IL1RAP: variants seen among roughly 807,000 people sequenced by gnomAD.
IL1RAP encodes interleukin 1 receptor accessory protein, also known as interleukin-1 receptor accessory protein.
In IL1RAP, 35 loss-of-function variants were observed where a neutral mutation model predicts 60.7. The observed-to-expected ratio is 0.58, with a 90% CI of 0.44 to 0.76. The LOEUF is 0.76. Ranked by LOEUF, IL1RAP falls within the 30% of genes least tolerant of loss-of-function variation. The probability of loss-of-function intolerance (pLI) is 0.00; values close to 1 mark genes in which losing one functional copy is unlikely to be tolerated. For missense variants in IL1RAP, 572 were observed against 693.9 expected, an observed-to-expected ratio of 0.82 and a Z score of 1.97; for synonymous variants, 268 against 250.9, an observed-to-expected ratio of 1.07 and a Z score of -0.64.
intron 1 of IL1RAP, among the ~76,000 whole-genome samples, chr3:190,522,447 C>CTATG (rs1722164793): frequency 6.6e-6 from 1 of 150,968 alleles, no homozygotes; most frequent in South Asian, 2.1e-4. Flanking sequence ...ATCTATCTAT[C>CTATG]TATCTATCTA....
At chr3:190,657,521 G>A (rs1455216162) in exon 12 of IL1RAP, 2 of 152,178 alleles carry the variant, frequency 1.3e-5, no homozygotes, top group East Asian at 3.9e-4. Context: ...TCTGAGAAGG[G>A]ATAATAAATT....
intron 1 of IL1RAP, among the ~76,000 whole-genome samples, chr3:190,541,518 T>G (rs2108563654): frequency 6.6e-6 from 1 of 152,296 alleles, no homozygotes; most frequent in Non-Finnish European, 1.5e-5. Context: ...TTTTCTGAGT[T>G]TGACATTCAG....
At chr3:190,638,821 A>G (rs1023853629) in intron 9 of IL1RAP, among the ~76,000 whole-genome samples, 2 of 152,108 alleles carry the variant, frequency 1.3e-5, no homozygotes, top group African/African-American at 4.8e-5. Context: ...TTAATTGGAA[A>G]GATTTTTACT....
chr3:190,539,683 A>C lies in IL1RAP; in HGVS notation c.-88-16447A>C, dbSNP rs531916843. ...ACAGTGTGTATAAATATGTAAAAATAAATAAGGATAAATTAAAAATAAAAA... is the reference window on the plus strand; with the variant it reads ...ACAGTGTGTATAAATATGTAAAAATCAATAAGGATAAATTAAAAATAAAAA... On this transcript the variant is annotated intron_variant, in intron 1 of 11. Transcript: ENST00000447382. Among the ~76,000 whole-genome samples, 10 of 151,598 alleles carry C rather than the reference A, an allele frequency of 6.6e-5. No individual in the cohort carries two copies. In the South Asian group the frequency reaches 2.1e-3, roughly 31 times the overall value.
intron 3 of IL1RAP, among the ~76,000 whole-genome samples, chr3:190,577,737 GC>G (rs1489365708): frequency 6.6e-6 from 1 of 151,916 alleles, no homozygotes; most frequent in Non-Finnish European, 1.5e-5. Flanking sequence ...TCGCTATGTT[GC>G]CCAGGTTGGT....
chr3:190,644,199 T>C, intron 9 of IL1RAP, 49 bp from the exon 10 acceptor site: 20 of 1,576,946 alleles, frequency 1.3e-5, no homozygotes, highest in Non-Finnish European at 1.7e-5. Context: ...GGTGGGTCAC[T>C]GTGGTCACCA....
At position 190,604,127 on chromosome 3, in the gene IL1RAP, G is replaced by C; in HGVS notation, c.65-1G>C. On this transcript the variant is annotated splice_acceptor_variant, in intron 3 of 11. Coordinates refer to ENST00000447382, the MANE Select transcript of IL1RAP (RefSeq NM_002182.4). LOFTEE classifies it high-confidence loss of function. ...CTTTCTTTCTTTTTTGATTATTCCAGAACGCTGCGATGACTGGGGACTAGA... is the reference window on the plus strand; with the variant it reads ...CTTTCTTTCTTTTTTGATTATTCCACAACGCTGCGATGACTGGGGACTAGA... The C allele has an allele frequency of 6.2e-7, 1 of 1,613,016 alleles. No homozygotes were observed. Among genetic ancestry groups the C allele is most frequent in the Non-Finnish European group, 8.5e-7 (1 of 1,179,620 alleles).
intron 1 of IL1RAP, chr3:190,516,152 T>C (rs1721493378): frequency 6.6e-6 from 1 of 152,374 alleles, no homozygotes; most frequent in Non-Finnish European, 1.5e-5. Context: ...TATGCAGTAT[T>C]GGTAAGTGCT....
At chr3:190,531,713 T>C (rs1723000972) in intron 1 of IL1RAP, among the ~76,000 whole-genome samples, 1 of 152,166 alleles carries the variant, frequency 6.6e-6, no homozygotes, top group Admixed American at 6.5e-5. Context: ...AGCAAGTGAA[T>C]TAAGAAACCG....
At chr3:190,605,881 T>G (rs1730282308) in intron 4 of IL1RAP, among the ~76,000 whole-genome samples, 1 of 152,172 alleles carries the variant, frequency 6.6e-6, no homozygotes, top group South Asian at 2.1e-4. Context: ...AATTAGGACC[T>G]TAGCATATAA....
chr3:190,644,382 G>C lies in IL1RAP; in HGVS notation c.1186G>C (p.Asp396His). Reference sequence around the variant, plus strand: ...ATTTTACCGGGCTCATTTTGGAACAGATGAAACCATTTTAGGTAAGTAACA... The same window carrying C: ...ATTTTACCGGGCTCATTTTGGAACACATGAAACCATTTTAGGTAAGTAACA... ...VLFYRAHFGT[D>H]ETILDGKEYD... The change falls in exon 10 of 12, where the codon GAT becomes CAT. Residue 396 changes from aspartate (D) to histidine (H), a missense_variant. Transcript: ENST00000447382. 6.2e-7 allele frequency: 1 copy of C among 1,613,606 alleles called. No individual in the cohort carries two copies. Among genetic ancestry groups the C allele is most frequent in the Non-Finnish European group, 8.5e-7 (1 of 1,179,654 alleles).
At chr3:190,568,390 T>A (rs1211688215) in intron 3 of IL1RAP, among the ~76,000 whole-genome samples, 1 of 152,206 alleles carries the variant, frequency 6.6e-6, no homozygotes, top group East Asian at 1.9e-4. Context: ...TGCTCTTTTT[T>A]ATTTTTCCAT....
Position 190,648,726 on chromosome 3 carries a change from A to G in IL1RAP, c.*21A>G, listed in dbSNP as rs1437383216. 3.8e-6 allele frequency: 6 copies of G among 1,589,414 alleles called. No homozygotes were observed. Among genetic ancestry groups the G allele is most frequent in the Non-Finnish European group, 5.1e-6 (6 of 1,169,282 alleles). On this transcript the variant is annotated 3_prime_UTR_variant, in exon 12 of 12. Coordinates refer to ENST00000447382, the MANE Select transcript of IL1RAP (RefSeq NM_002182.4). ...TATGAAAGGAATAATGAAAAGGGTA[A>G]AAAGAACAAGGGGTGCTCCAGGAAG...
chr3:190,628,506 C>A (rs1386202698), intron 8 of IL1RAP, among the ~76,000 whole-genome samples: 3 of 152,144 alleles, frequency 2.0e-5, no homozygotes, highest in African/African-American at 7.2e-5. Context: ...AAAAGAGAAC[C>A]TAGATGGCAG....
intron 9 of IL1RAP, among the ~76,000 whole-genome samples, chr3:190,639,098 TC>T (rs1461816961): frequency 6.6e-6 from 1 of 152,170 alleles, no homozygotes; most frequent in Non-Finnish European, 1.5e-5. Flanking sequence ...GCCTGTGGTG[TC>T]CTTTGTGTGT....
At chr3:190,572,603 G>A (rs1414267313) in intron 3 of IL1RAP, among the ~76,000 whole-genome samples, 2 of 152,066 alleles carry the variant, frequency 1.3e-5, no homozygotes, top group Non-Finnish European at 2.9e-5. Context: ...TACCAAAGAA[G>A]CTAAACCATT....
chr3:190,654,819 C>CT (rs1228441599), downstream of IL1RAP, among the ~76,000 whole-genome samples: 1 of 152,138 alleles, frequency 6.6e-6, no homozygotes. Flanking sequence ...AATTTTGAAC[C>CT]TTTTTCCTTC....
chr3:190,620,739 C>T (rs558158520), intron 6 of IL1RAP, among the ~76,000 whole-genome samples: 3 of 152,184 alleles, frequency 2.0e-5, no homozygotes, highest in South Asian at 2.1e-4. Flanking sequence ...AGAAACATGA[C>T]GTTGAACAAG....
At chr3:190,654,730 T>C (rs1734553856), downstream of IL1RAP, among the ~76,000 whole-genome samples, 2 of 152,262 alleles carry the variant, frequency 1.3e-5, no homozygotes, top group Admixed American at 6.5e-5. Context: ...GTTTCGTCCC[T>C]GGACCAAAAG....
Sources: allele counts gnomAD v4.1 joint callset (sites outside exome capture counted in the v4.1 genomes callset), GRCh38; gene constraint gnomAD v4.1.1; transcripts MANE v1.5; gene names NCBI Gene and HGNC (gene_info 2026-07-23, HGNC 2026-07-21).